Variants in SYN3 observed in about 807,000 individuals in gnomAD.
The protein encoded by SYN3 is synapsin III.
A neutral mutation model predicts 65.8 loss-of-function variants in SYN3; 35 were observed. That is an observed-to-expected ratio of 0.53 (90% CI 0.41 to 0.70). The LOEUF is 0.70. SYN3 is among the 30% of genes least tolerant of loss of function. The pLI is 0.00. For missense variants in SYN3, 680 were observed against 749.0 expected (o/e 0.91, Z 1.08); for synonymous variants, 270 against 292.9 (o/e 0.92, Z 0.80).
chr22:33,025,433 C>CAAAAA (rs33919912), intron 1 of SYN3, among the ~76,000 whole-genome samples: 1 of 78,722 alleles, frequency 1.3e-5, no homozygotes, highest in African/African-American at 4.8e-5. Flanking sequence ...GACTCCGTCT[C>CAAAAA]AAAAAAAAAA....
intron 7 of SYN3, among the ~76,000 whole-genome samples, chr22:32,553,690 G>T (rs1185791786): frequency 6.6e-6 from 1 of 152,196 alleles, no homozygotes; most frequent in Non-Finnish European, 1.5e-5. Flanking sequence ...GGAAAATGTT[G>T]TGTCAGCCTA....
At chr22:33,028,897 G>A (rs892397913) in intron 1 of SYN3, among the ~76,000 whole-genome samples, 89 of 152,124 alleles carry the variant, frequency 5.9e-4, no homozygotes, top group Middle Eastern at 3.4e-3. Flanking sequence ...AAAACTAGCC[G>A]GGCGTGGTGG....
intron 6 of SYN3, among the ~76,000 whole-genome samples, chr22:32,755,081 G>A (rs1199758315): frequency 1.3e-5 from 2 of 152,212 alleles, no homozygotes; most frequent in African/African-American, 4.8e-5. Context: ...GAGGCGCAGA[G>A]GCTGGGAACT....
chr22:32,834,453 G>A (rs776525560), intron 6 of SYN3, among the ~76,000 whole-genome samples: 1 of 152,146 alleles, frequency 6.6e-6, no homozygotes, highest in Non-Finnish European at 1.5e-5. Flanking sequence ...ATGAGCCACT[G>A]CACCCGGCCA....
chr22:32,979,602 T>C (rs966694494), intron 3 of SYN3, among the ~76,000 whole-genome samples: 6 of 152,180 alleles, frequency 3.9e-5, no homozygotes, highest in African/African-American at 1.4e-4. Context: ...TCTATGTTAT[T>C]TACTGTTTGC....
chr22:33,001,877 T>C (rs2053069508), intron 2 of SYN3, among the ~76,000 whole-genome samples: 1 of 152,204 alleles, frequency 6.6e-6, no homozygotes, highest in South Asian at 2.1e-4. Flanking sequence ...TGCACCATAC[T>C]GCCATTTATT....
chr22:33,012,151 CT>C (rs1272765510), intron 1 of SYN3, among the ~76,000 whole-genome samples: 1 of 152,076 alleles, frequency 6.6e-6, no homozygotes, highest in East Asian at 1.9e-4. Context: ...ATTTTAAACT[CT>C]TTTTTTCCCC....
chr22:32,886,753 G>C (rs1191861969), intron 4 of SYN3, among the ~76,000 whole-genome samples: 1 of 152,176 alleles, frequency 6.6e-6, no homozygotes, highest in Non-Finnish European at 1.5e-5. Flanking sequence ...AGTTTTGCCT[G>C]TTCTAGAATT....
At chr22:32,866,516 G>A (rs1380055417) in intron 5 of SYN3, among the ~76,000 whole-genome samples, 1 of 152,222 alleles carries the variant, frequency 6.6e-6, no homozygotes, top group Non-Finnish European at 1.5e-5. Context: ...TACTAGCTAT[G>A]TGAGCCTCAG....
chr22:33,036,406 T>A (rs1000551352), intron 1 of SYN3, among the ~76,000 whole-genome samples: 19 of 152,286 alleles, frequency 1.2e-4, no homozygotes, highest in East Asian at 3.9e-4. Context: ...AAAAGCTCTC[T>A]GCCCTCCCTG....
At chr22:32,997,576 G>A (rs773016627) in intron 2 of SYN3, among the ~76,000 whole-genome samples, 13 of 152,084 alleles carry the variant, frequency 8.5e-5, no homozygotes, top group Non-Finnish European at 1.9e-4. Context: ...GTCAACTCCT[G>A]CTCCTCGGCA....
In SYN3 at chr22:33,033,239, G is replaced by A. The variant is rs563859692; in HGVS notation, c.-163+25053C>T. ...TGATCTCGAACTCCTGACTTCAGGT[G>A]ATCCACCCACCTCAGCCTCCCAAAG... is the stretch of plus-strand genomic sequence containing the variant. On this transcript the variant is annotated intron_variant, in intron 1 of 13. Coordinates refer to ENST00000358763, the MANE Select transcript of SYN3 (RefSeq NM_003490.4). 6.9e-3 allele frequency among the ~76,000 whole-genome samples: 1,046 copies of A among 152,172 alleles called. 8 individuals carry two copies. Among genetic ancestry groups the A allele is most frequent in the Non-Finnish European group, 0.01 (689 of 67,992 alleles).
chr22:32,659,865 T>C (rs948435229), intron 6 of SYN3, among the ~76,000 whole-genome samples: 11 of 152,336 alleles, frequency 7.2e-5, no homozygotes, highest in African/African-American at 2.6e-4. Context: ...TGTGTCTCCC[T>C]GGGATGCATC....
intron 3 of SYN3, among the ~76,000 whole-genome samples, chr22:32,949,606 T>C (rs756617178): frequency 6.6e-5 from 10 of 152,076 alleles, no homozygotes; most frequent in Non-Finnish European, 1.3e-4. Flanking sequence ...CAATTTCCTG[T>C]AGGGTCTTTG....
Position 33,006,614 on chromosome 22 carries a change from G to A in SYN3, c.49C>T (p.Leu17=). 6.2e-7 allele frequency: 1 copy of A among 1,606,864 alleles called. No homozygotes were observed. Residue 17 remains leucine, a synonymous_variant, in exon 2 of 14, where the codon CTG becomes TTG. Transcript: ENST00000358763. ...AGGTCCGTCATATAGCCATTAGGCA[G>A]GTTGGCCATGAAGCTGCTGTCAGAG... ...RLSDSSFMAN[L]PNGYMTDLQR...
At chr22:32,578,171 C>A (rs374745688) in intron 7 of SYN3, among the ~76,000 whole-genome samples, 1 of 149,908 alleles carries the variant, frequency 6.7e-6, no homozygotes, top group Non-Finnish European at 1.5e-5. Flanking sequence ...CTTTCCTTTT[C>A]TTTTCTTTCT....
chr22:32,853,261 T>C (rs2048273087), intron 6 of SYN3, among the ~76,000 whole-genome samples: 1 of 152,220 alleles, frequency 6.6e-6, no homozygotes, highest in Non-Finnish European at 1.5e-5. Context: ...CTACATTCTC[T>C]GCCTGTCCTG....
intron 6 of SYN3, among the ~76,000 whole-genome samples, chr22:32,727,021 G>A (rs2061204441): frequency 6.6e-6 from 1 of 151,274 alleles, no homozygotes; most frequent in East Asian, 1.9e-4. Context: ...GGATACATGT[G>A]CAGGATATGC....
intron 3 of SYN3, among the ~76,000 whole-genome samples, chr22:32,962,519 G>A (rs1025593295): frequency 1.3e-5 from 2 of 152,156 alleles, no homozygotes; most frequent in African/African-American, 4.8e-5. Flanking sequence ...AAAGCCACGC[G>A]GAAGCAGTAT....
Sources: allele counts gnomAD v4.1 joint callset (sites outside exome capture counted in the v4.1 genomes callset), GRCh38; gene constraint gnomAD v4.1.1; transcripts MANE v1.5; gene names NCBI Gene and HGNC (gene_info 2026-07-23, HGNC 2026-07-21).